The following ICE1 variants were observed in gnomAD, a reference collection of about 807,000 sequenced individuals.
ICE1 encodes the protein little elongation complex subunit 1.
Under a neutral mutation model 192.7 loss-of-function variants are expected in ICE1, and 64 were observed. The observed-to-expected ratio is 0.33, with a 90% CI of 0.27 to 0.41. The LOEUF (loss-of-function observed/expected upper bound fraction) is 0.41. Among genes scored for constraint, ICE1 ranks in the 10% least tolerant of loss-of-function variants. The probability of loss-of-function intolerance (pLI) is 1.00; values close to 1 mark genes in which losing one functional copy is unlikely to be tolerated. For synonymous variants in ICE1, 1,010 were observed against 984.5 expected (o/e 1.03, Z -0.49); for missense variants, 2,708 against 2,696.0 (o/e 1.00, Z -0.10).
At chr5:5,482,892 T>A (rs1739544440) in intron 17 of ICE1, among the ~76,000 whole-genome samples, 1 of 152,084 alleles carries the variant, frequency 6.6e-6, no homozygotes. Context: ...TGACCTTGAC[T>A]GAAAAATTGA....
intron 17 of ICE1, among the ~76,000 whole-genome samples, chr5:5,477,371 T>C (rs532236177): frequency 3.9e-4 from 60 of 152,270 alleles, no homozygotes; most frequent in African/African-American, 1.4e-3. Flanking sequence ...TCTATGCAAA[T>C]AAACTAGAAA....
At chr5:5,480,707 T>C (rs1334773808) in intron 17 of ICE1, among the ~76,000 whole-genome samples, 2 of 152,196 alleles carry the variant, frequency 1.3e-5, no homozygotes, top group African/African-American at 4.8e-5. Flanking sequence ...TGTGTGTACT[T>C]TGCATGCAAA....
chr5:5,458,822 A>G (rs1738661414), intron 12 of ICE1, among the ~76,000 whole-genome samples: 1 of 152,198 alleles, frequency 6.6e-6, no homozygotes, highest in Non-Finnish European at 1.5e-5. Flanking sequence ...TAGTCAGAAA[A>G]TAGACAAGAC....
At chr5:5,460,013 C>T (rs972083204) in intron 12 of ICE1, among the ~76,000 whole-genome samples, 10 of 152,182 alleles carry the variant, frequency 6.6e-5, no homozygotes, top group African/African-American at 1.9e-4. Context: ...AAGGCTGTAC[C>T]GGGCACAAGT....
In ICE1 at chr5:5,489,473, T is replaced by C. The variant is rs895407712; in HGVS notation, c.*143T>C. On this transcript the variant is annotated 3_prime_UTR_variant, in exon 19 of 19. Transcript: ENST00000296564. ...CAGACCAGAGGCTCTCCTTATTGTTTGGCAAGGAGACAGGAGAAACAAGCA... is the reference window on the plus strand; with the variant it reads ...CAGACCAGAGGCTCTCCTTATTGTTCGGCAAGGAGACAGGAGAAACAAGCA... 1.1e-5 allele frequency: 8 copies of C among 700,504 alleles called. No homozygotes were observed. Among genetic ancestry groups the C allele is most frequent in the Non-Finnish European group, 1.8e-5 (8 of 447,326 alleles). The allele number at this position is 700,504 out of a possible 1,614,324, so 43.4% of individuals were successfully genotyped here. A position where few individuals can be genotyped will look rare whatever the true frequency, so the allele number is the denominator to read the frequency against.
chr5:5,472,452 A>T lies in ICE1; in HGVS notation c.6223-1106A>T, dbSNP rs372649600. Reference sequence around the variant, plus strand: ...CATGTTCACAATTACTGCCAAATGTAAAATAGGTACTCAAAAAAGTGAATA... The same window carrying T: ...CATGTTCACAATTACTGCCAAATGTTAAATAGGTACTCAAAAAAGTGAATA... On this transcript the variant is annotated intron_variant, in intron 15 of 18. Transcript: ENST00000296564. Among the ~76,000 whole-genome samples the T allele has an allele frequency of 3.9e-4, 59 of 152,350 alleles. No homozygotes were observed. In the South Asian group the frequency reaches 9.5e-3, roughly 25 times the overall value.
chr5:5,457,766 A>G, intron 12 of ICE1, 25 bp downstream of exon 12: 1 of 1,589,918 alleles, frequency 6.3e-7, no homozygotes. Context: ...CTGAATTTGA[A>G]TTACCAAGTG....
chr5:5,482,975 A>G (rs1739545795), intron 17 of ICE1, among the ~76,000 whole-genome samples: 1 of 152,096 alleles, frequency 6.6e-6, no homozygotes, highest in Non-Finnish European at 1.5e-5. Flanking sequence ...CATAAAATAA[A>G]GGAATTGTCT....
chr5:5,457,250 T>C (rs1738612803), intron 11 of ICE1, 82 bp from the exon 12 acceptor site: 11 of 1,334,156 alleles, frequency 8.2e-6, no homozygotes, highest in Non-Finnish European at 9.0e-6. Flanking sequence ...ACTGTTGTAA[T>C]AAGGTTTCTT....
At chr5:5,480,316 C>T (rs1460391078) in intron 17 of ICE1, among the ~76,000 whole-genome samples, 2 of 144,018 alleles carry the variant, frequency 1.4e-5, no homozygotes, top group Admixed American at 1.5e-4. Context: ...GTGGCACCAT[C>T]TCGGCTCACT....
chr5:5,431,658 A>T (rs1422911098), intron 1 of ICE1, among the ~76,000 whole-genome samples: 1 of 152,104 alleles, frequency 6.6e-6, no homozygotes, highest in Non-Finnish European at 1.5e-5. Context: ...TTCTTTGTGT[A>T]TCACTTGATG....
At chr5:5,459,213 C>T (rs1470375120) in intron 12 of ICE1, among the ~76,000 whole-genome samples, 1 of 152,080 alleles carries the variant, frequency 6.6e-6, no homozygotes, top group African/African-American at 2.4e-5. Context: ...TAAGTTGTGG[C>T]ATTGGTGTTA....
At chr5:5,479,328 C>A (rs968062572) in intron 17 of ICE1, among the ~76,000 whole-genome samples, 8 of 152,036 alleles carry the variant, frequency 5.3e-5, no homozygotes, top group African/African-American at 1.7e-4. Flanking sequence ...ATGCGGCCAA[C>A]AAACATGAAA....
chr5:5,434,787 T>C (rs1245363370), intron 1 of ICE1, among the ~76,000 whole-genome samples: 2 of 152,206 alleles, frequency 1.3e-5, no homozygotes, highest in Non-Finnish European at 2.9e-5. Context: ...ATAGTATGAA[T>C]TGTATTTTCC....
chr5:5,447,161 G>A (rs1372021605), intron 7 of ICE1, among the ~76,000 whole-genome samples: 1 of 152,146 alleles, frequency 6.6e-6, no homozygotes, highest in Admixed American at 6.5e-5. Flanking sequence ...CCTTAACTAG[G>A]GGTTGGGATT....
chr5:5,460,328 G>A, intron 12 of ICE1, 108 bp from the exon 13 acceptor site: 1 of 800,710 alleles, frequency 1.2e-6, no homozygotes, highest in Non-Finnish European at 1.9e-6. Context: ...AAACGTGATT[G>A]TAAAGATTCT....
intron 11 of ICE1, among the ~76,000 whole-genome samples, chr5:5,456,857 G>C (rs147554996): frequency 7.6e-4 from 116 of 152,314 alleles, no homozygotes; most frequent in African/African-American, 2.7e-3. Context: ...GACCTCGTCA[G>C]ATCTTTCAGT....
intron 10 of ICE1, 141 bp from the exon 11 acceptor site, chr5:5,454,411 T>C (rs929206477): frequency 3.9e-5 from 22 of 565,604 alleles, no homozygotes; most frequent in Admixed American, 5.7e-5. Flanking sequence ...CTGACTGTAT[T>C]GTGCACAATG....
chr5:5,483,693 A>G (rs1426747978), intron 17 of ICE1, among the ~76,000 whole-genome samples: 1 of 152,178 alleles, frequency 6.6e-6, no homozygotes, highest in Non-Finnish European at 1.5e-5. Context: ...AATCTGTAGA[A>G]TACCACCTTT....
Sources: gnomAD v4.1 joint callset for allele counts (sites outside exome capture counted in the v4.1 genomes callset) on GRCh38, gnomAD v4.1.1 for gene constraint, MANE v1.5 for transcripts, NCBI Gene and HGNC (gene_info 2026-07-23, HGNC 2026-07-21) for gene names.